TIAM1: variants seen among roughly 807,000 people sequenced by gnomAD.
TIAM1 encodes TIAM Rac1 associated GEF 1, also known as rho guanine nucleotide exchange factor TIAM1.
TIAM1 carries 65 observed loss-of-function variants against 163.5 expected under a neutral mutation model. That is an observed-to-expected ratio of 0.40 (90% CI 0.33 to 0.49). TIAM1 has a LOEUF of 0.49. TIAM1 is among the 20% of genes least tolerant of loss of function. The pLI is 0.77. For synonymous variants in TIAM1, 833 were observed against 810.1 expected (o/e 1.03, Z -0.48); for missense variants, 1,789 against 2,044.7 (o/e 0.87, Z 2.41).
intron 1 of TIAM1, among the ~76,000 whole-genome samples, chr21:31,472,107 C>A (rs924905825): frequency 1.3e-5 from 2 of 152,128 alleles, no homozygotes; most frequent in Admixed American, 1.3e-4. Context: ...CATGAACTGA[C>A]TGGACGGCCG....
intron 1 of TIAM1, among the ~76,000 whole-genome samples, chr21:31,524,535 T>A (rs2047716310): frequency 6.6e-6 from 1 of 152,164 alleles, no homozygotes; most frequent in Non-Finnish European, 1.5e-5. Context: ...AAAAGTATAT[T>A]CTCTTGCTAG....
intron 2 of TIAM1, among the ~76,000 whole-genome samples, chr21:31,418,005 G>A (rs1449479613): frequency 1.3e-5 from 2 of 152,066 alleles, no homozygotes. Flanking sequence ...TTTATTTCGG[G>A]GCAATTGGAA....
intron 17 of TIAM1, among the ~76,000 whole-genome samples, chr21:31,153,530 A>T (rs1030033696): frequency 6.6e-6 from 1 of 152,190 alleles, no homozygotes; most frequent in Non-Finnish European, 1.5e-5. Context: ...ACTAAGATAT[A>T]GATACTTAAA....
chr21:31,252,148 C>T lies in TIAM1; in HGVS notation c.1005G>A (p.Gly335=). Residue 335 remains glycine, a synonymous_variant, in exon 5 of 28, where the codon GGG becomes GGA. Coordinates refer to ENST00000541036, the MANE Select transcript of TIAM1 (RefSeq NM_001353694.2). ...AGEGSEFADS[G]IEGATTDTDL... is the part of the protein sequence containing the mutation. ...CCGTGTCGGTAGTGGCCCCTTCAATCCCACTGTCTGCAAACTCACTGCCCT... is the reference window on the plus strand; with the variant it reads ...CCGTGTCGGTAGTGGCCCCTTCAATTCCACTGTCTGCAAACTCACTGCCCT... The T allele has an allele frequency of 6.2e-7, 1 of 1,610,686 alleles. No individual in the cohort carries two copies. Among genetic ancestry groups the T allele is most frequent in the Non-Finnish European group, 8.5e-7 (1 of 1,179,990 alleles).
intron 2 of TIAM1, among the ~76,000 whole-genome samples, chr21:31,388,167 A>G (rs2076908424): frequency 1.3e-5 from 2 of 151,036 alleles, no homozygotes; most frequent in Non-Finnish European, 2.9e-5. Context: ...TTCTTAATAA[A>G]TTACCCAGTC....
rs1379024034 is a variant in TIAM1 at position 31,203,064 on chromosome 21, G to A, written c.2389-52C>T. The stretch of plus-strand genomic sequence containing the variant: ...AAAATGTCTGTTCAATAGTAAATAG[G>A]CACAATTAGTTCTCCACCAACATAC... On this transcript the variant is annotated intron_variant, in intron 11 of 27. Coordinates refer to ENST00000541036, the MANE Select transcript of TIAM1 (RefSeq NM_001353694.2). The A allele has an allele frequency of 6.5e-6, 9 of 1,394,776 alleles. No individual in the cohort carries two copies. In the African/African-American group the frequency reaches 7.1e-5, roughly 11 times the overall value. The allele number at this position is 1,394,776 out of a possible 1,614,324, so 86.4% of individuals were successfully genotyped here. A position where few individuals can be genotyped will look rare whatever the true frequency, so the allele number is the denominator to read the frequency against.
chr21:31,222,692 TATA>T (rs2087639155), intron 8 of TIAM1, among the ~76,000 whole-genome samples: 1 of 35,876 alleles, frequency 2.8e-5, no homozygotes, highest in Non-Finnish European at 5.2e-5. Flanking sequence ...TATATATATA[TATA>T]TATATATATA....
At chr21:31,210,651 A>G (rs1256378063) in intron 10 of TIAM1, among the ~76,000 whole-genome samples, 2 of 22,286 alleles carry the variant, frequency 9.0e-5, no homozygotes, top group African/African-American at 4.5e-4. Flanking sequence ...GAAAGAAAGA[A>G]AGAAAGAAAG....
rs543581535 is a variant in TIAM1 at position 31,444,117 on chromosome 21, T to C, written c.-369+19866A>G. Among the ~76,000 whole-genome samples, 6 of 152,286 alleles carry C rather than the reference T, an allele frequency of 3.9e-5. No individual in the cohort carries two copies. In the East Asian group the frequency reaches 9.6e-4, roughly 24 times the overall value. On this transcript the variant is annotated intron_variant, in intron 2 of 28. Transcript: ENST00000286827. ...TCATGAAAATCAATCCTAACCTCTG[T>C]AGCTCCCAGCAGCGGGATCTGTGTT...
intron 25 of TIAM1, among the ~76,000 whole-genome samples, chr21:31,127,706 G>A (rs140409382): frequency 7.0e-4 from 107 of 152,240 alleles, no homozygotes; most frequent in African/African-American, 2.3e-3. Flanking sequence ...GTGAGCCACC[G>A]CGCCCGGCCT....
intron 13 of TIAM1, among the ~76,000 whole-genome samples, chr21:31,194,279 T>C (rs1461216136): frequency 1.3e-5 from 2 of 152,142 alleles, no homozygotes; most frequent in Non-Finnish European, 2.9e-5. Flanking sequence ...AAAAAAATCA[T>C]AGTTGTGAGT....
chr21:31,484,546 G>A (rs142367189), intron 1 of TIAM1, among the ~76,000 whole-genome samples: 57 of 152,310 alleles, frequency 3.7e-4, no homozygotes, highest in African/African-American at 1.2e-3. Context: ...GAAGGACTGA[G>A]GAAGGCTGAA....
chr21:31,428,017 T>G (rs749414614), intron 2 of TIAM1, among the ~76,000 whole-genome samples: 3 of 152,044 alleles, frequency 2.0e-5, no homozygotes, highest in Non-Finnish European at 2.9e-5. Flanking sequence ...ATCCCAGCAC[T>G]TTGGGAGGCC....
At chr21:31,446,907 T>G (rs745921251) in intron 2 of TIAM1, among the ~76,000 whole-genome samples, 1 of 152,178 alleles carries the variant, frequency 6.6e-6, no homozygotes, top group Non-Finnish European at 1.5e-5. Flanking sequence ...AAGATTTACT[T>G]TGAAGAAAGT....
chr21:31,334,651 C>T (rs1468812548), intron 2 of TIAM1, among the ~76,000 whole-genome samples: 3 of 152,150 alleles, frequency 2.0e-5, no homozygotes, highest in African/African-American at 7.2e-5. Context: ...ATCTGCAGCC[C>T]ATCCCTCCCT....
At chr21:31,348,270 A>C (rs1436161787), upstream of TIAM1, among the ~76,000 whole-genome samples, 1 of 152,212 alleles carries the variant, frequency 6.6e-6, no homozygotes, top group Non-Finnish European at 1.5e-5. Flanking sequence ...TGCGAATTTG[A>C]AGCCATCAGC....
At chr21:31,445,943 T>A (rs528554035) in intron 2 of TIAM1, among the ~76,000 whole-genome samples, 28 of 152,282 alleles carry the variant, frequency 1.8e-4, no homozygotes, top group Middle Eastern at 6.8e-3. Context: ...TTTTATTTTT[T>A]ATTTTTTTAT....
At chr21:31,472,045 C>T (rs1315285756) in intron 1 of TIAM1, among the ~76,000 whole-genome samples, 1 of 152,020 alleles carries the variant, frequency 6.6e-6, no homozygotes, top group African/African-American at 2.4e-5. Flanking sequence ...AGGCACAAGG[C>T]TGTTGTGGTT....
At chr21:31,488,696 A>T (rs1233286051) in intron 1 of TIAM1, among the ~76,000 whole-genome samples, 1 of 152,028 alleles carries the variant, frequency 6.6e-6, no homozygotes, top group Non-Finnish European at 1.5e-5. Flanking sequence ...CTTATTCACT[A>T]CCAGAACAGT....
Sources: allele counts gnomAD v4.1 joint callset (sites outside exome capture counted in the v4.1 genomes callset), GRCh38; gene constraint gnomAD v4.1.1; transcripts MANE v1.5; gene names NCBI Gene and HGNC (gene_info 2026-07-23, HGNC 2026-07-21).